The following TSPAN4 variants were observed in gnomAD, a reference collection of about 807,000 sequenced individuals.
The protein encoded by TSPAN4 is tetraspanin-4.
TSPAN4 carries 38 observed loss-of-function variants against 31.5 expected under a neutral mutation model. The ratio of observed to expected loss-of-function variants is 1.21; its 90% CI spans 0.93 to 1.58. The LOEUF (loss-of-function observed/expected upper bound fraction) is 1.58. Ranked by LOEUF, TSPAN4 falls within the 40% of genes most tolerant of loss-of-function variation. The pLI, the probability that TSPAN4 is intolerant of heterozygous loss-of-function variation, is 0.00. For synonymous variants in TSPAN4, 186 were observed against 144.6 expected, an observed-to-expected ratio of 1.29 and a Z score of -2.06; for missense variants, 330 against 317.3, an observed-to-expected ratio of 1.04 and a Z score of -0.30.
intron 3 of TSPAN4, among the ~76,000 whole-genome samples, chr11:851,422 G>A (rs938641935): frequency 6.6e-5 from 10 of 152,296 alleles, no homozygotes; most frequent in East Asian, 1.9e-4. Context: ...TCTGCATAAG[G>A]TCCAGCTGGG....
chr11:842,939 G>C (rs1305601025), intron 1 of TSPAN4, 24 bp downstream of exon 1: 2 of 154,710 alleles, frequency 1.3e-5, no homozygotes, highest in African/African-American at 4.8e-5. Context: ...GGGTTGTGGG[G>C]GCGTGCGGCC....
intron 3 of TSPAN4, 42 bp from the exon 4 acceptor site, chr11:862,508 G>C: frequency 6.5e-7 from 1 of 1,537,054 alleles, no homozygotes; most frequent in Non-Finnish European, 8.8e-7. Flanking sequence ...GCTTGCATTG[G>C]GGCCTCACCC....
At chr11:864,818 G>A (rs936907429) in intron 5 of TSPAN4, 37 of 509,140 alleles carry the variant, frequency 7.3e-5, no homozygotes, top group Middle Eastern at 5.2e-4. Flanking sequence ...CATCCGGGCC[G>A]CGCACCGTGG....
Position 864,418 on chromosome 11 carries a change from G to C in TSPAN4, c.256-19G>C, listed in dbSNP as rs775746152. Reference sequence around the variant, plus strand: ...TGTGCGGCCTTTCGGGTCCCTGTCTGAGCCTGCCCCCTCCACAGTTCTTCC... The same window carrying C: ...TGTGCGGCCTTTCGGGTCCCTGTCTCAGCCTGCCCCCTCCACAGTTCTTCC... On this transcript the variant is annotated intron_variant, in intron 4 of 8. Coordinates refer to ENST00000397397, the MANE Select transcript of TSPAN4 (RefSeq NM_003271.5). 54 of 1,611,082 alleles carry C rather than the reference G, an allele frequency of 3.4e-5. 1 individual carries two copies. In the South Asian group the frequency reaches 5.6e-4, roughly 17 times the overall value.
chr11:866,106 G>C (rs1848796229), intron 8 of TSPAN4, 105 bp downstream of exon 8: 1 of 1,258,816 alleles, frequency 7.9e-7, no homozygotes, highest in African/African-American at 1.5e-5. Flanking sequence ...CCACGATCGG[G>C]GGAGGCCGGG....
chr11:855,978 C>T lies in TSPAN4; in HGVS notation c.63+5611C>T, dbSNP rs140200699. Among the ~76,000 whole-genome samples, 5 of 152,326 alleles carry T rather than the reference C, an allele frequency of 3.3e-5. No individual in the cohort carries two copies. In the East Asian group the frequency reaches 9.7e-4, roughly 30 times the overall value. On this transcript the variant is annotated intron_variant, in intron 3 of 8. Transcript: ENST00000397397. ...GGGCTGAGAGCTGGCCAGCGTGGCC[C>T]CCGTGGGCCCGGAGGGAGCATACTC...
intron 2 of TSPAN4, among the ~76,000 whole-genome samples, chr11:847,899 G>A (rs1847410131): frequency 6.6e-6 from 1 of 152,196 alleles, no homozygotes; most frequent in South Asian, 2.1e-4. Flanking sequence ...GGGAGATGGG[G>A]CAGGGGTGCC....
chr11:847,838 C>T lies in TSPAN4; in HGVS notation c.-18+538C>T, dbSNP rs577559255. ...CGCCCTCCCACCCGCCTGGGACCCT[C>T]GAGCCTTGCCTGCCACTTCCCCTTC... On this transcript the variant is annotated intron_variant, in intron 2 of 8. Transcript: ENST00000397397. 9.9e-4 allele frequency among the ~76,000 whole-genome samples: 150 copies of T among 152,254 alleles called. 1 individual carries two copies. Among genetic ancestry groups the T allele is most frequent in the African/African-American group, 3.4e-3 (143 of 41,556 alleles).
chr11:858,900 G>C (rs1848232003), intron 3 of TSPAN4, among the ~76,000 whole-genome samples: 2 of 98,020 alleles, frequency 2.0e-5, no homozygotes, highest in Admixed American at 2.6e-4. Context: ...ACGCATCCCC[G>C]CTCACACGCA....
At position 862,623 on chromosome 11, in the gene TSPAN4, C is replaced by G. The variant is rs375365291; in HGVS notation, c.137C>G (p.Ser46Cys). 1.9e-6 allele frequency: 3 copies of G among 1,613,330 alleles called. No individual in the cohort carries two copies. Among genetic ancestry groups the G allele is most frequent in the Non-Finnish European group, 2.5e-6 (3 of 1,179,878 alleles). Residue 46 changes from serine to cysteine, a missense_variant, in exon 4 of 9, where the codon TCT (serine) becomes TGT (cysteine). Physicochemically the swap from Ser to Cys is moderately radical, Grantham distance 112. Coordinates refer to ENST00000397397, the MANE Select transcript of TSPAN4 (RefSeq NM_003271.5). ...CAGGGGAGCTTCGCCACGCTGTCCT[C>G]TTCCTTCCCGTCCCTGTCGGCTGCC... ...ATQGSFATLS[S>C]SFPSLSAANL...
At chr11:859,297 C>T (rs1848280634) in intron 3 of TSPAN4, among the ~76,000 whole-genome samples, 1 of 119,292 alleles carries the variant, frequency 8.4e-6, no homozygotes, top group Non-Finnish European at 1.8e-5. Flanking sequence ...TCACGTGCAC[C>T]CCGGCTCACA....
intron 1 of TSPAN4, 199 bp downstream of exon 1, chr11:843,114 C>T (rs1264153533): frequency 6.6e-6 from 1 of 152,018 alleles, no homozygotes; most frequent in Non-Finnish European, 1.5e-5. Flanking sequence ...TGCCGCCCCT[C>T]CTGGCCGCGC....
chr11:859,255 TCACA>T (rs1465376675), intron 3 of TSPAN4, among the ~76,000 whole-genome samples: 2 of 34,828 alleles, frequency 5.7e-5, no homozygotes, highest in African/African-American at 1.3e-4. Context: ...ACACCCCCAC[TCACA>T]CACACCCTGG....
At chr11:866,417 C>T (rs954585799) in intron 8 of TSPAN4, 145 bp from the exon 9 acceptor site, 12 of 704,686 alleles carry the variant, frequency 1.7e-5, no homozygotes, top group East Asian at 2.8e-5. Context: ...TGCAAGCCAC[C>T]AGGAAGCTGA....
intron 2 of TSPAN4, 53 bp from the exon 3 acceptor site, chr11:850,235 G>A (rs1467366846): frequency 2.7e-6 from 4 of 1,460,754 alleles, no homozygotes; most frequent in South Asian, 1.2e-5. Context: ...CGTCGCCCAA[G>A]GGCAACAAGT....
In TSPAN4 at chr11:866,706, A is replaced by G. The variant is rs1354286076; in HGVS notation, c.*76A>G. ...CGCACCCACAGCTGCCTTTCCCACC[A>G]CCAGCCTCGGTGCTCTGCCCCATGC... On this transcript the variant is annotated 3_prime_UTR_variant, in exon 9 of 9. Transcript: ENST00000397397. 9.3e-6 allele frequency: 13 copies of G among 1,404,130 alleles called. No individual in the cohort carries two copies. The highest frequency in any genetic ancestry group is 1.4e-5 in the African/African-American group (1 of 70,040). The allele number at this position is 1,404,130 out of a possible 1,614,324, so 87.0% of individuals were successfully genotyped here.
chr11:845,321 C>T (rs1328911896), intron 1 of TSPAN4, among the ~76,000 whole-genome samples: 1 of 152,184 alleles, frequency 6.6e-6, no homozygotes, highest in Non-Finnish European at 1.5e-5. Context: ...CGTACCCACG[C>T]CGTCCGTGTC....
chr11:851,578 C>T (rs1847730797), intron 3 of TSPAN4, among the ~76,000 whole-genome samples: 1 of 152,176 alleles, frequency 6.6e-6, no homozygotes, highest in Admixed American at 6.5e-5. Context: ...CCCAAGGAGG[C>T]TCTTGGCCCA....
intron 3 of TSPAN4, 61 bp downstream of exon 3, chr11:850,428 C>G (rs564822249): frequency 1.8e-5 from 26 of 1,483,060 alleles, no homozygotes; most frequent in Non-Finnish European, 2.3e-5. Context: ...CGCGGCGGGT[C>G]GCGGGGTCTG....
Sources: gnomAD v4.1 joint callset for allele counts (sites outside exome capture counted in the v4.1 genomes callset) on GRCh38, gnomAD v4.1.1 for gene constraint, MANE v1.5 for transcripts, NCBI Gene and HGNC (gene_info 2026-07-23, HGNC 2026-07-21) for gene names.